Variants in PIKFYVE observed in about 807,000 individuals in gnomAD.
PIKFYVE encodes the protein 1-phosphatidylinositol 3-phosphate 5-kinase.
A neutral mutation model predicts 257.9 loss-of-function variants in PIKFYVE; 122 were observed. That is an observed-to-expected ratio of 0.47 (90% CI 0.41 to 0.55). The LOEUF (loss-of-function observed/expected upper bound fraction) is 0.55, where lower values mean the gene tolerates loss of function less well. Ranked by LOEUF, PIKFYVE falls within the 20% of genes least tolerant of loss-of-function variation. PIKFYVE has a pLI of 0.00. For missense variants in PIKFYVE, 2,160 were observed against 2,536.6 expected, an observed-to-expected ratio of 0.85 and a Z score of 3.19; for synonymous variants, 892 against 868.9, an observed-to-expected ratio of 1.03 and a Z score of -0.47.
rs140482308 is a variant in PIKFYVE, at chr2:208,287,448, G to C, written c.822-1281G>C. ...ACCACCATGCCTGGCTAATTTTTCT[G>C]TTTTTAGTAGGGACGGGGTTTCATC... On this transcript the variant is annotated intron_variant, in intron 6 of 41. Coordinates refer to ENST00000264380, the MANE Select transcript of PIKFYVE (RefSeq NM_015040.4). 8.5e-3 allele frequency among the ~76,000 whole-genome samples: 1,294 copies of C among 151,390 alleles called. 25 individuals are homozygous for C. The highest frequency in any genetic ancestry group is 0.029 in the African/African-American group (1,214 of 41,268).
chr2:208,323,339 G>T (rs9750143), intron 17 of PIKFYVE, among the ~76,000 whole-genome samples: 1 of 142,372 alleles, frequency 7.0e-6, no homozygotes, highest in African/African-American at 2.6e-5. Context: ...CAATTCCCAT[G>T]TATGAGTGAG....
chr2:208,310,770 AGAAT>A (rs1467023393), intron 12 of PIKFYVE, among the ~76,000 whole-genome samples: 1 of 152,216 alleles, frequency 6.6e-6, no homozygotes, highest in Non-Finnish European at 1.5e-5. Flanking sequence ...AGATTAAAAG[AGAAT>A]GAAGAGATAC....
At position 208,336,839 on chromosome 2, in the gene PIKFYVE, T is replaced by C. The variant is rs1366168025; in HGVS notation, c.4522T>C (p.Leu1508=). ...TATATTTTTTGCTTTTGGCCACAGGTTGCAGGACCTTTTCCAACAGGAAAA... is the reference window on the plus strand; with the variant it reads ...TATATTTTTTGCTTTTGGCCACAGGCTGCAGGACCTTTTCCAACAGGAAAA... ...CEVLQAWNNR[L]QDLFQQEKGR... is the part of the protein sequence containing the mutation. The change falls in exon 28 of 42, where the codon TTG becomes CTG. Residue 1508 remains leucine (L), a splice_region_variant and synonymous_variant. Transcript: ENST00000264380. 1 of 1,611,344 alleles carries C rather than the reference T, an allele frequency of 6.2e-7. No individual in the cohort carries two copies. Among genetic ancestry groups the C allele is most frequent in the Non-Finnish European group, 8.5e-7 (1 of 1,178,284 alleles).
At chr2:208,344,076 C>A (rs1206154191) in intron 32 of PIKFYVE, among the ~76,000 whole-genome samples, 2 of 151,954 alleles carry the variant, frequency 1.3e-5, no homozygotes, top group African/African-American at 4.8e-5. Context: ...CCTCGGCCTC[C>A]CAAAGTGCCG....
intron 12 of PIKFYVE, among the ~76,000 whole-genome samples, chr2:208,311,386 T>C (rs552080017): frequency 6.6e-6 from 1 of 152,308 alleles, no homozygotes; most frequent in Non-Finnish European, 1.5e-5. Flanking sequence ...GATGAGCATA[T>C]TGGCTTATAA....
chr2:208,312,150 C>A, intron 12 of PIKFYVE, 86 bp from the exon 13 acceptor site: 2 of 973,572 alleles, frequency 2.1e-6, no homozygotes, highest in Non-Finnish European at 3.3e-6. Context: ...TGTGTGTGGG[C>A]GTATTCTCTA....
At position 208,298,711 on chromosome 2, in the gene PIKFYVE, G is replaced by A; in HGVS notation, c.982G>A (p.Val328Ile). Reference sequence around the variant, plus strand: ...TATGGTACCTTCATATGAGACATCTGTCAGTCCCCAGGCTAACCGAACATA... The same window carrying A: ...TATGGTACCTTCATATGAGACATCTATCAGTCCCCAGGCTAACCGAACATA... ...SPMVPSYETS[V>I]SPQANRTYVR... Residue 328 changes from valine (V) to isoleucine (I), a missense_variant, in exon 8 of 42, where the codon GTC becomes ATC. Physicochemically the swap from Val to Ile is conservative, Grantham distance 29 (BLOSUM62 3). Around this residue, in one of 12 missense-constraint regions of PIKFYVE, gnomAD observed 187 missense variants for 185.6 expected, o/e 1.01. Transcript: ENST00000264380. The A allele has an allele frequency of 1.2e-6, 2 of 1,614,100 alleles. No individual in the cohort carries two copies. The highest frequency in any genetic ancestry group is 1.7e-6 in the Non-Finnish European group (2 of 1,179,972).
intron 1 of PIKFYVE, among the ~76,000 whole-genome samples, chr2:208,270,809 G>A (rs1311330491): frequency 6.6e-6 from 1 of 152,106 alleles, no homozygotes; most frequent in Non-Finnish European, 1.5e-5. Context: ...TGAGGCGGGT[G>A]GATTACCTGA....
At chr2:208,310,848 A>G (rs1694858680) in intron 12 of PIKFYVE, among the ~76,000 whole-genome samples, 1 of 152,334 alleles carries the variant, frequency 6.6e-6, no homozygotes, top group African/African-American at 2.4e-5. Context: ...CTGTGGATTA[A>G]AAACATTTTG....
chr2:208,316,367 T>C (rs966316953), intron 15 of PIKFYVE, among the ~76,000 whole-genome samples: 28 of 152,228 alleles, frequency 1.8e-4, no homozygotes, highest in African/African-American at 6.7e-4. Flanking sequence ...AGCAGCATGA[T>C]TTATAGTCCT....
At chr2:208,304,363 G>A (rs375140384) in intron 11 of PIKFYVE, 45 bp downstream of exon 11, 25 of 1,583,462 alleles carry the variant, frequency 1.6e-5, no homozygotes, top group Non-Finnish European at 2.1e-5. Flanking sequence ...GGTCATTGCT[G>A]TGTATGTATG....
At chr2:208,283,558 C>A (rs1691115295) in intron 5 of PIKFYVE, among the ~76,000 whole-genome samples, 1 of 151,782 alleles carries the variant, frequency 6.6e-6, no homozygotes, top group African/African-American at 2.4e-5. Context: ...AGTCTTTCTG[C>A]AGGGAGTAAT....
intron 13 of PIKFYVE, among the ~76,000 whole-genome samples, chr2:208,313,737 C>T (rs552280138): frequency 1.3e-5 from 2 of 152,272 alleles, no homozygotes; most frequent in South Asian, 4.1e-4. Flanking sequence ...CGTGTGCCAA[C>T]ACGCCCAGCT....
chr2:208,288,812 G>A lies in PIKFYVE; in HGVS notation c.905G>A (p.Arg302Gln), dbSNP rs187383957. The change falls in exon 7 of 42, where the codon CGA becomes CAA. Residue 302 changes from arginine (R) to glutamine (Q), a missense_variant. By Grantham distance (43) the Arg-to-Gln change is conservative. Coordinates refer to ENST00000264380, the MANE Select transcript of PIKFYVE (RefSeq NM_015040.4). ...GAGGATGCTGGGAAATCTCCTGCTC[G>A]AAATAGGTAAACTGACAAATGAAAA... ...VQEDAGKSPARNRSASITNLS... is the reference protein window; with the variant it reads ...VQEDAGKSPAQNRSASITNLS... 79 of 1,613,958 alleles carry A rather than the reference G, an allele frequency of 4.9e-5. No homozygotes were observed. The Admixed American group carries it at 5.3e-4, about 11-fold the overall frequency.
intron 21 of PIKFYVE, 50 bp downstream of exon 21, chr2:208,328,330 C>A: frequency 6.2e-7 from 1 of 1,604,220 alleles, no homozygotes; most frequent in Non-Finnish European, 8.5e-7. Context: ...AGAATTCCAG[C>A]AATTAAAAAA....
chr2:208,282,821 A>T (rs1690997866), intron 5 of PIKFYVE, among the ~76,000 whole-genome samples: 1 of 152,114 alleles, frequency 6.6e-6, no homozygotes, highest in Non-Finnish European at 1.5e-5. Context: ...CAGTTTTTCC[A>T]TGGACTGGTG....
At chr2:208,324,580 A>G (rs1696697307) in intron 18 of PIKFYVE, among the ~76,000 whole-genome samples, 1 of 152,118 alleles carries the variant, frequency 6.6e-6, no homozygotes, top group South Asian at 2.1e-4. Flanking sequence ...GCTCAAGCAG[A>G]AGACGTTCTC....
At chr2:208,348,127 C>T (rs374769741) in intron 35 of PIKFYVE, 104 bp downstream of exon 35, 1 of 1,396,696 alleles carries the variant, frequency 7.2e-7, no homozygotes, top group Admixed American at 1.9e-5. Context: ...AGTGCTGAAA[C>T]TGGGGCATTC....
intron 3 of PIKFYVE, among the ~76,000 whole-genome samples, chr2:208,275,344 A>G (rs1035221342): frequency 2.0e-5 from 3 of 152,192 alleles, no homozygotes; most frequent in African/African-American, 7.2e-5. Flanking sequence ...GGATGATGCT[A>G]TTACTACTTT....
Sources: allele counts gnomAD v4.1 joint callset (sites outside exome capture counted in the v4.1 genomes callset), GRCh38; gene constraint gnomAD v4.1.1; regional missense constraint gnomAD v4.1.1; transcripts MANE v1.5; gene names NCBI Gene and HGNC (gene_info 2026-07-23, HGNC 2026-07-21).